CAST: variants seen among roughly 807,000 people sequenced by gnomAD.
CAST encodes the protein MIR583 host.
CAST carries 76 observed loss-of-function variants against 119.6 expected under a neutral mutation model. That is an observed-to-expected ratio of 0.64 (90% confidence interval 0.53 to 0.77). The LOEUF (loss-of-function observed/expected upper bound fraction) is 0.77. Ranked by LOEUF, CAST falls within the 30% of genes least tolerant of loss-of-function variation. The probability of loss-of-function intolerance (pLI) is 0.00; values close to 1 mark genes in which losing one functional copy is unlikely to be tolerated. For missense variants in CAST, 953 were observed against 946.5 expected (o/e 1.01, Z -0.09); for synonymous variants, 319 against 331.6 (o/e 0.96, Z 0.41).
intron 15 of CAST, 33 bp from the exon 16 acceptor site, chr5:96,742,622 T>C (rs774820318): frequency 7.2e-7 from 1 of 1,397,862 alleles, no homozygotes; most frequent in Non-Finnish European, 1.0e-6. Flanking sequence ...AGAGATGTCT[T>C]TTTTCATGCA....
the CAST span, among the ~76,000 whole-genome samples, chr5:96,440,116 C>G: frequency 6.6e-6 from 1 of 151,658 alleles, no homozygotes; most frequent in Non-Finnish European, 1.5e-5. Context: ...AACAGTGACC[C>G]CTACAGTTCT....
At chr5:96,765,187 A>G in intron 25 of CAST, 34 bp from the exon 26 acceptor site, 1 of 1,235,120 alleles carries the variant, frequency 8.1e-7, no homozygotes, top group Non-Finnish European at 1.2e-6. Flanking sequence ...AGTTTGGCTA[A>G]TGAGTGACTA....
intron 16 of CAST, among the ~76,000 whole-genome samples, chr5:96,744,763 A>C (rs1382218502): frequency 6.6e-6 from 1 of 152,152 alleles, no homozygotes; most frequent in African/African-American, 2.4e-5. Context: ...AGGAGTGTCC[A>C]CTGCCACCCC....
At chr5:96,167,854 G>A in the CAST span, among the ~76,000 whole-genome samples, 3 of 152,192 alleles carry the variant, frequency 2.0e-5, no homozygotes, top group East Asian at 1.9e-4. Context: ...GGTCCTGGGC[G>A]GGGCCAAATG....
the CAST span, among the ~76,000 whole-genome samples, chr5:96,237,820 TC>T: frequency 9.5e-4 from 144 of 152,262 alleles, 2 homozygotes; most frequent in South Asian, 0.029. Flanking sequence ...CTTATTTTTG[TC>T]CAAAGAATTT....
At chr5:96,709,931 T>G (rs1334619298) in intron 3 of CAST, among the ~76,000 whole-genome samples, 1 of 152,188 alleles carries the variant, frequency 6.6e-6, no homozygotes, top group African/African-American at 2.4e-5. Context: ...ATAGCAATAT[T>G]GGGATCGATG....
the CAST span, among the ~76,000 whole-genome samples, chr5:96,206,786 G>A: frequency 1.2e-4 from 19 of 152,132 alleles, no homozygotes; most frequent in South Asian, 3.9e-3. Context: ...GGCTATTTGG[G>A]CTCTTCATAT....
intron 2 of CAST, among the ~76,000 whole-genome samples, chr5:96,695,390 G>A (rs1377538315): frequency 1.3e-5 from 2 of 152,076 alleles, no homozygotes; most frequent in African/African-American, 2.4e-5. Flanking sequence ...TTAGGTTATA[G>A]TACTGTGATC....
chr5:96,188,276 T>G, the CAST span, among the ~76,000 whole-genome samples: 9 of 152,200 alleles, frequency 5.9e-5, no homozygotes, highest in African/African-American at 2.2e-4. Context: ...CTGCCCTTTT[T>G]GCAAATCTCA....
upstream of CAST, among the ~76,000 whole-genome samples, chr5:96,525,767 T>C (rs970421657): frequency 6.6e-6 from 1 of 152,094 alleles, no homozygotes; most frequent in Non-Finnish European, 1.5e-5. Context: ...AAACTGTAAA[T>C]GTGAGTTAGC....
At chr5:96,209,373 T>G in the CAST span, among the ~76,000 whole-genome samples, 1 of 152,048 alleles carries the variant, frequency 6.6e-6, no homozygotes, top group Admixed American at 6.6e-5. Flanking sequence ...TGTTAGCTGG[T>G]TATTATGCAG....
At chr5:95,970,599 A>G in the CAST span, among the ~76,000 whole-genome samples, 2 of 152,210 alleles carry the variant, frequency 1.3e-5, no homozygotes, top group Non-Finnish European at 2.9e-5. Flanking sequence ...AAAGGAATAC[A>G]TTTATCTCTG....
chr5:96,680,607 TA>T (rs1249549498), intron 2 of CAST, among the ~76,000 whole-genome samples: 1 of 151,718 alleles, frequency 6.6e-6, no homozygotes, highest in Non-Finnish European at 1.5e-5. Flanking sequence ...TTGTGATAGA[TA>T]AATCTTTTCC....
the CAST span, among the ~76,000 whole-genome samples, chr5:96,025,172 G>T: frequency 1.3e-5 from 2 of 152,082 alleles, no homozygotes; most frequent in African/African-American, 4.8e-5. Flanking sequence ...CCGTAGGCTA[G>T]GGGGGTTTAA....
the CAST span, among the ~76,000 whole-genome samples, chr5:96,005,674 T>C: frequency 5.3e-5 from 8 of 152,148 alleles, no homozygotes; most frequent in Non-Finnish European, 8.8e-5. Flanking sequence ...ATAAAACCAA[T>C]TCAAACTAAA....
chr5:96,526,938 G>T (rs957595640), upstream of CAST, among the ~76,000 whole-genome samples: 7 of 152,180 alleles, frequency 4.6e-5, no homozygotes, highest in African/African-American at 1.7e-4. Flanking sequence ...GGAAAATGGG[G>T]GTGGGAGTGG....
chr5:96,213,365 T>G, the CAST span: 5 of 152,170 alleles, frequency 3.3e-5, no homozygotes, highest in African/African-American at 1.2e-4. Flanking sequence ...TCTGCTAATC[T>G]TTGTCTCTTA....
chr5:95,962,476 T>C, the CAST span, among the ~76,000 whole-genome samples: 1 of 152,170 alleles, frequency 6.6e-6, no homozygotes, highest in Non-Finnish European at 1.5e-5. Context: ...AACTTGAAGT[T>C]ATCGGGTGCC....
intron 3 of CAST, among the ~76,000 whole-genome samples, chr5:96,701,734 G>A (rs374203803): frequency 2.0e-5 from 3 of 151,934 alleles, no homozygotes; most frequent in African/African-American, 7.2e-5. Flanking sequence ...GAACCTGGGA[G>A]GTGGAGGTTG....
Sources: gnomAD v4.1 joint callset for allele counts (sites outside exome capture counted in the v4.1 genomes callset) on GRCh38, gnomAD v4.1.1 for gene constraint, MANE v1.5 for transcripts, NCBI Gene and HGNC (gene_info 2026-07-23, HGNC 2026-07-21) for gene names.